CC2D2A: variants seen among roughly 807,000 people sequenced by gnomAD.
The protein encoded by CC2D2A is coiled-coil and C2 domain containing 2A.
A neutral mutation model predicts 212.9 loss-of-function variants in CC2D2A; 155 were observed. The observed-to-expected ratio is 0.73, with a 90% CI of 0.64 to 0.83. The LOEUF (loss-of-function observed/expected upper bound fraction) is 0.83, where lower values mean the gene tolerates loss of function less well. Among genes scored for constraint, CC2D2A ranks in the 40% least tolerant of loss-of-function variants. The probability of loss-of-function intolerance (pLI) is 0.00; values close to 1 mark genes in which losing one functional copy is unlikely to be tolerated. For missense variants in CC2D2A, 1,856 were observed against 1,956.2 expected, an observed-to-expected ratio of 0.95 and a Z score of 0.97; for synonymous variants, 667 against 686.5, an observed-to-expected ratio of 0.97 and a Z score of 0.44.
At chr4:15,571,123 G>A (rs188747653) in intron 28 of CC2D2A, among the ~76,000 whole-genome samples, 51 of 152,232 alleles carry the variant, frequency 3.4e-4, no homozygotes, top group Non-Finnish European at 5.7e-4. Flanking sequence ...GAATAAGGTG[G>A]GATAAAGTGG....
At chr4:15,482,693 G>A (rs757817890) in intron 4 of CC2D2A, among the ~76,000 whole-genome samples, 3 of 152,072 alleles carry the variant, frequency 2.0e-5, no homozygotes, top group African/African-American at 7.3e-5. Flanking sequence ...ATTTTCAGAG[G>A]GGGGACACAA....
In CC2D2A at chr4:15,514,695, A is replaced by G. The variant is rs1334874078; in HGVS notation, c.718-12A>G. 14 of 1,487,576 alleles carry G rather than the reference A, an allele frequency of 9.4e-6. No homozygotes were observed. The highest frequency in any genetic ancestry group is 1.3e-5 in the Non-Finnish European group (14 of 1,110,156). 92.1% of individuals were successfully genotyped at this position (1,487,576 alleles called of 1,614,324 possible). A position where few individuals can be genotyped will look rare whatever the true frequency, so the allele number is the denominator to read the frequency against. On this transcript the variant is annotated splice_polypyrimidine_tract_variant and intron_variant, in intron 8 of 36. Transcript: ENST00000424120. ...GCATGATTTTTTCTTGTTACTTTTT[A>G]ACATTATGCAGGATGAGGAAGAACT...
intron 35 of CC2D2A, 63 bp downstream of exon 35, chr4:15,597,528 A>G: frequency 7.9e-7 from 1 of 1,264,292 alleles, no homozygotes; most frequent in Non-Finnish European, 1.1e-6. Context: ...CAAACTTTAA[A>G]CCACTGTCAG....
At position 15,513,311 on chromosome 4, in the gene CC2D2A, C is replaced by T. The variant is rs374718720; in HGVS notation, c.718-1396C>T. On this transcript the variant is annotated intron_variant, in intron 8 of 36. Transcript: ENST00000424120. ...TCCTTTTATGACCTAGTCTCAGGAG[C>T]CACATACTGTCACTTCTGCCATATT... is the stretch of plus-strand genomic sequence containing the variant. Among the ~76,000 whole-genome samples the T allele has an allele frequency of 3.9e-5, 6 of 152,328 alleles. No homozygotes were observed. The East Asian group carries it at 9.6e-4, about 24-fold the overall frequency.
Position 15,597,428 on chromosome 4 carries a change from C to CG in CC2D2A, c.4460dup (p.Ser1488LeufsTer8), listed in dbSNP as rs1560199860. On this transcript the variant is annotated frameshift_variant, in exon 35 of 37. Coordinates refer to ENST00000424120, the MANE Select transcript of CC2D2A (RefSeq NM_001378615.1). LOFTEE classifies it high-confidence loss of function. ...ATAGCCTGAAGAGCTAATTTACCAGCGCTCAGACAAAGCAGCTGCAGCTGA... is the reference window on the plus strand; with the variant it reads ...ATAGCCTGAAGAGCTAATTTACCAGCGGCTCAGACAAAGCAGCTGCAGCTGA... 1 of 1,552,666 alleles carries CG rather than the reference C, an allele frequency of 6.4e-7. No individual in the cohort carries two copies. The highest frequency in any genetic ancestry group is 1.7e-4 in the Middle Eastern group (1 of 5,994).
intron 36 of CC2D2A, 89 bp from the exon 37 acceptor site, chr4:15,601,148 C>A: frequency 1.8e-6 from 1 of 545,788 alleles, no homozygotes; most frequent in Non-Finnish European, 2.6e-6. Flanking sequence ...AGATCCAGAA[C>A]ACTTATCTTA....
In CC2D2A at chr4:15,590,636, G is replaced by A. The variant is rs184066482; in HGVS notation, c.4314+957G>A. Among the ~76,000 whole-genome samples the A allele has an allele frequency of 3.8e-3, 580 of 152,332 alleles. 6 individuals carry two copies. Among genetic ancestry groups the A allele is most frequent in the African/African-American group, 0.013 (560 of 41,580 alleles). On this transcript the variant is annotated intron_variant, in intron 33 of 36. Coordinates refer to ENST00000424120, the MANE Select transcript of CC2D2A (RefSeq NM_001378615.1). ...CTTCAGCTTCTTCGCTGGTAAAATG[G>A]AGGTAACAGTAAAGTCACTACTTTA... is the stretch of plus-strand genomic sequence containing the variant.
intron 8 of CC2D2A, among the ~76,000 whole-genome samples, chr4:15,513,267 C>A (rs1005779097): frequency 1.3e-5 from 2 of 152,160 alleles, no homozygotes; most frequent in African/African-American, 4.8e-5. Flanking sequence ...AGGGGAGAAC[C>A]CAAAAAAGAA....
chr4:15,540,614 A>T (rs1718376162), intron 16 of CC2D2A, among the ~76,000 whole-genome samples: 1 of 152,208 alleles, frequency 6.6e-6, no homozygotes, highest in Non-Finnish European at 1.5e-5. Flanking sequence ...AATGGACTCT[A>T]GTTCTTAAAT....
intron 17 of CC2D2A, among the ~76,000 whole-genome samples, chr4:15,548,960 A>G (rs1718855410): frequency 6.6e-6 from 1 of 152,242 alleles, no homozygotes; most frequent in South Asian, 2.1e-4. Context: ...TGAGGCTCTC[A>G]AGGAAATTTG....
chr4:15,601,151 T>TTAC (rs1721575717), intron 36 of CC2D2A, 86 bp from the exon 37 acceptor site: 2 of 911,246 alleles, frequency 2.2e-6, no homozygotes, highest in South Asian at 1.5e-5. Context: ...TCCAGAACAC[T>TTAC]TATCTTAATT....
chr4:15,474,534 G>A (rs1261167651), intron 1 of CC2D2A, among the ~76,000 whole-genome samples: 3 of 152,030 alleles, frequency 2.0e-5, no homozygotes, highest in Non-Finnish European at 4.4e-5. Context: ...ATAACACAAT[G>A]AAAGGACTAT....
chr4:15,567,860 C>G, intron 26 of CC2D2A, 74 bp downstream of exon 26: 1 of 1,080,808 alleles, frequency 9.3e-7, no homozygotes, highest in Non-Finnish European at 1.3e-6. Context: ...TCATGAGAAA[C>G]GGCTAAGGTG....
At chr4:15,569,449 A>C in intron 27 of CC2D2A, 60 bp downstream of exon 27, 1 of 928,116 alleles carries the variant, frequency 1.1e-6, no homozygotes, top group Non-Finnish European at 1.7e-6. Context: ...TACCCACTAC[A>C]TAAGTTCCAA....
chr4:15,590,177 A>T (rs1333197724), intron 33 of CC2D2A, among the ~76,000 whole-genome samples: 1 of 152,130 alleles, frequency 6.6e-6, no homozygotes. Context: ...TGAGGGCTGC[A>T]TGATTTTATT....
chr4:15,544,417 G>A lies in CC2D2A; in HGVS notation c.2181+3403G>A, dbSNP rs1718607901. On this transcript the variant is annotated intron_variant, in intron 17 of 36. Transcript: ENST00000424120. ...CCTACAGAGGAAAAGCTGATATCAG[G>A]AAGACCAAGATTAACATGAGAAGAC... Among the ~76,000 whole-genome samples the A allele has an allele frequency of 4.6e-5, 7 of 152,244 alleles. No individual in the cohort carries two copies. The South Asian group carries it at 1.5e-3, about 32-fold the overall frequency.
chr4:15,566,173 C>A, intron 24 of CC2D2A, among the ~76,000 whole-genome samples: 1 of 152,178 alleles, frequency 6.6e-6, no homozygotes, highest in East Asian at 1.9e-4. Flanking sequence ...TGGATTTGAT[C>A]TTCATTTGTT....
chr4:15,561,657 T>C (rs1719608130), intron 23 of CC2D2A: 1 of 152,248 alleles, frequency 6.6e-6, no homozygotes, highest in Non-Finnish European at 1.5e-5. Context: ...GATGTTTCTG[T>C]ATTTGATGGT....
intron 11 of CC2D2A, among the ~76,000 whole-genome samples, chr4:15,526,240 C>A (rs923163759): frequency 1.3e-5 from 2 of 151,962 alleles, no homozygotes; most frequent in Non-Finnish European, 2.9e-5. Context: ...TGAGATGATG[C>A]GTGTGAAATG....
Sources: allele counts gnomAD v4.1 joint callset (sites outside exome capture counted in the v4.1 genomes callset), GRCh38; gene constraint gnomAD v4.1.1; transcripts MANE v1.5; gene names NCBI Gene and HGNC (gene_info 2026-07-23, HGNC 2026-07-21).